Variants in LARP7 observed in about 807,000 individuals in gnomAD.
LARP7 encodes La ribonucleoprotein 7, transcriptional regulator.
LARP7 carries 52 observed loss-of-function variants against 69.3 expected under a neutral mutation model. The observed-to-expected ratio is 0.75, with a 90% CI of 0.60 to 0.95. LARP7 has a LOEUF of 0.95. Among genes scored for constraint, LARP7 ranks in the 40% least tolerant of loss-of-function variants. The probability of loss-of-function intolerance (pLI) is 0.00; values close to 1 mark genes in which losing one functional copy is unlikely to be tolerated. For missense variants in LARP7, 733 were observed against 673.0 expected (o/e 1.09, Z -0.99); for synonymous variants, 254 against 215.9 (o/e 1.18, Z -1.55).
intron 2 of LARP7, among the ~76,000 whole-genome samples, chr4:112,646,122 C>CCT (rs2048211329): frequency 1.3e-5 from 2 of 151,862 alleles, no homozygotes; most frequent in African/African-American, 4.8e-5. Flanking sequence ...GGATTACAGG[C>CCT]GTGCACCACT....
At chr4:112,655,019 C>A (rs1200397226) in intron 12 of LARP7, among the ~76,000 whole-genome samples, 6 of 144,044 alleles carry the variant, frequency 4.2e-5, no homozygotes, top group Admixed American at 2.7e-4. Context: ...AAAAAAAAAA[C>A]TAACTTAAAA....
intron 4 of LARP7, 26 bp downstream of exon 4, chr4:112,646,697 G>C (rs2048276184): frequency 6.4e-7 from 1 of 1,567,098 alleles, no homozygotes; most frequent in African/African-American, 1.4e-5. Flanking sequence ...CGGGTCCCCA[G>C]TCAGAAACTG....
At chr4:112,649,776 TA>T in intron 9 of LARP7, 90 bp downstream of exon 9, 2 of 844,676 alleles carry the variant, frequency 2.4e-6, no homozygotes, top group Non-Finnish European at 3.4e-6. Context: ...ATTTTAATTT[TA>T]AAAAACTTGA....
intron 8 of LARP7, chr4:112,648,383 C>G (rs751245335): frequency 7.5e-6 from 4 of 534,702 alleles, no homozygotes; most frequent in Non-Finnish European, 1.5e-5. Context: ...AACATGGAAG[C>G]ACTTACTTTT....
rs898727529 is a variant in LARP7, at chr4:112,653,294, T to C, written c.1576+58T>C. 9 of 1,392,036 alleles carry C rather than the reference T, an allele frequency of 6.5e-6. No individual in the cohort carries two copies. The African/African-American group carries it at 1.2e-4, about 18-fold the overall frequency. 86.2% of individuals were successfully genotyped at this position (1,392,036 alleles called of 1,614,324 possible). On this transcript the variant is annotated intron_variant, in intron 11 of 12. Transcript: ENST00000344442. ...GTTATCATCCTTATTGTGAGTAATA[T>C]ATTTTCTGAGTTTGGCTAATGAAAC...
intron 9 of LARP7, 119 bp downstream of exon 9, chr4:112,649,805 T>G: frequency 1.6e-6 from 1 of 621,798 alleles, no homozygotes; most frequent in South Asian, 3.3e-5. Context: ...ATTTCATTAT[T>G]AGAACAATTC....
Position 112,646,837 on chromosome 4 carries a change from T to C in LARP7, c.434T>C (p.Phe145Ser). The C allele has an allele frequency of 1.2e-6, 2 of 1,605,642 alleles. No individual in the cohort carries two copies. Among genetic ancestry groups the C allele is most frequent in the Non-Finnish European group, 1.7e-6 (2 of 1,178,010 alleles). The change falls in exon 5 of 13, where the codon TTT (phenylalanine) becomes TCT (serine). Residue 145 changes from phenylalanine to serine, a missense_variant. Phe to Ser is a radical substitution (Grantham distance 155). Coordinates refer to ENST00000344442, the MANE Select transcript of LARP7 (RefSeq NM_016648.4). ...AATCACAGCTGGATTGAAAGAGTATTTGGGAAATGTGGCAATGTTGTTTAT... is the reference window on the plus strand; with the variant it reads ...AATCACAGCTGGATTGAAAGAGTATCTGGGAAATGTGGCAATGTTGTTTAT... ...NVNHSWIERVFGKCGNVVYIS... is the reference protein window; with the variant it reads ...NVNHSWIERVSGKCGNVVYIS...
At position 112,647,309 on chromosome 4, in the gene LARP7, A is replaced by G; in HGVS notation, c.757A>G (p.Arg253Gly). 1 of 1,614,082 alleles carries G rather than the reference A, an allele frequency of 6.2e-7. No individual in the cohort carries two copies. Residue 253 changes from arginine to glycine, a missense_variant, in exon 7 of 13, where the codon AGA (arginine) becomes GGA (glycine). By Grantham distance (125) the Arg-to-Gly change is moderately radical. Transcript: ENST00000344442. ...CAACACCAGCATCAGTAAAATGAAAAGATCCAGACCCACATCTGAGGGCTC... is the reference window on the plus strand; with the variant it reads ...CAACACCAGCATCAGTAAAATGAAAGGATCCAGACCCACATCTGAGGGCTC... ...TSNTSISKMK[R>G]SRPTSEGSDI...
intron 1 of LARP7, among the ~76,000 whole-genome samples, chr4:112,639,510 G>A (rs2047873343): frequency 1.3e-5 from 2 of 151,852 alleles, no homozygotes; most frequent in Non-Finnish European, 2.9e-5. Context: ...GATTACAAGC[G>A]TGAGCCACCG....
intron 2 of LARP7, among the ~76,000 whole-genome samples, chr4:112,645,984 A>G (rs1026948197): frequency 2.0e-5 from 3 of 146,414 alleles, no homozygotes; most frequent in Admixed American, 6.7e-5. Flanking sequence ...TGCCATTTAG[A>G]CCCTCATACA....
Position 112,653,293 on chromosome 4 carries a change from A to G in LARP7, c.1576+57A>G, listed in dbSNP as rs1027663610. On this transcript the variant is annotated intron_variant, in intron 11 of 12. Coordinates refer to ENST00000344442, the MANE Select transcript of LARP7 (RefSeq NM_016648.4). ...TGTTATCATCCTTATTGTGAGTAAT[A>G]TATTTTCTGAGTTTGGCTAATGAAA... is the stretch of plus-strand genomic sequence containing the variant. The G allele has an allele frequency of 1.0e-5, 14 of 1,374,608 alleles. No individual in the cohort carries two copies. In the East Asian group the frequency reaches 2.0e-4, roughly 20 times the overall value. 85.2% of individuals were successfully genotyped at this position (1,374,608 alleles called of 1,614,324 possible).
Position 112,645,504 on chromosome 4 carries a change from ATTTT to A in LARP7, c.202+636_202+639del, listed in dbSNP as rs557545981. ...AAGGCATTTCACCTAGCTCAATGTT[ATTTT>A]TTGTTTCATTTTTTTGAGGCAAGGT... On this transcript the variant is annotated intron_variant, in intron 2 of 12. Coordinates refer to ENST00000344442, the MANE Select transcript of LARP7 (RefSeq NM_016648.4). 1,706 of 456,076 alleles carry A rather than the reference ATTTT, an allele frequency of 3.7e-3. 15 individuals are homozygous for A. Among genetic ancestry groups the A allele is most frequent in the South Asian group, 0.013 (868 of 64,558 alleles). The allele number at this position is 456,076 out of a possible 1,614,324, so 28.3% of individuals were successfully genotyped here.
intron 12 of LARP7, among the ~76,000 whole-genome samples, chr4:112,656,197 G>A (rs1164142376): frequency 6.6e-6 from 1 of 152,122 alleles, no homozygotes; most frequent in Non-Finnish European, 1.5e-5. Context: ...TTGAGGTCAG[G>A]AGTTGGAGAC....
chr4:112,646,357 A>G lies in LARP7; in HGVS notation c.209A>G (p.Asp70Gly), dbSNP rs757795390. Residue 70 changes from aspartate to glycine, a missense_variant, in exon 3 of 13, where the codon GAT becomes GGT. Coordinates refer to ENST00000344442, the MANE Select transcript of LARP7 (RefSeq NM_016648.4). ...QIEKSRDGYV[D>G]ISLLVSFNKM... ...ACTTTTTCATTTTCTTTAGATGTTG[A>G]TATATCACTACTTGTGTCTTTTAAC... 7.0e-7 allele frequency: 1 copy of G among 1,434,294 alleles called. No individual in the cohort carries two copies. The allele number at this position is 1,434,294 out of a possible 1,614,324, so 88.8% of individuals were successfully genotyped here. A position where few individuals can be genotyped will look rare whatever the true frequency, so the allele number is the denominator to read the frequency against.
chr4:112,637,446 A>G (rs13146963), intron 1 of LARP7: 92,029 of 152,202 alleles, frequency 0.6, 28,577 homozygotes, highest in East Asian at 0.95. Flanking sequence ...TCAGACAGTA[A>G]GGGCGCATAG....
At position 112,647,466 on chromosome 4, in the gene LARP7, C is replaced by A. The variant is rs1171760413; in HGVS notation, c.914C>A (p.Ser305Tyr). The change falls in exon 7 of 13, where the codon TCC (serine) becomes TAC (tyrosine). Residue 305 changes from serine (S) to tyrosine (Y), a missense_variant. Ser to Tyr is a moderately radical substitution (Grantham distance 144, BLOSUM62 -2). Coordinates refer to ENST00000344442, the MANE Select transcript of LARP7 (RefSeq NM_016648.4). Reference protein sequence around the residue: ...RKRSSSEDAESLAPRSKVKKI... With the variant: ...RKRSSSEDAEYLAPRSKVKKI... ...AGAAGCAGCTCTGAAGATGCAGAAT[C>A]CCTAGCTCCCCGATCAAAAGTAAAG... 1 of 1,613,854 alleles carries A rather than the reference C, an allele frequency of 6.2e-7. No homozygotes were observed. Among genetic ancestry groups the A allele is most frequent in the Non-Finnish European group, 8.5e-7 (1 of 1,179,852 alleles).
chr4:112,653,782 C>G (rs1325371847), intron 11 of LARP7, among the ~76,000 whole-genome samples: 1 of 152,176 alleles, frequency 6.6e-6, no homozygotes, highest in Non-Finnish European at 1.5e-5. Flanking sequence ...AGCCACTGCA[C>G]CAGGCAATTT....
chr4:112,650,498 T>A lies in LARP7; in HGVS notation c.1332T>A (p.Val444=), dbSNP rs1392436298. ...NREECRTQEK[V]NATGPQFVSG... ...AAGAGTGTCGCACCCAGGAGAAAGT[T>A]AATGCAACAGGACCACAGTTCGTGA... Residue 444 remains valine, a synonymous_variant, in exon 10 of 13, where the codon GTT becomes GTA. Transcript: ENST00000344442. The A allele has an allele frequency of 2.5e-6, 4 of 1,613,876 alleles. No individual in the cohort carries two copies.
At chr4:112,654,288 T>TA (rs1253560497) in intron 12 of LARP7, 129 bp downstream of exon 12, 2 of 573,560 alleles carry the variant, frequency 3.5e-6, no homozygotes, top group Admixed American at 6.2e-5. Context: ...GAGTATATAC[T>TA]ATGTTTTAGG....
Sources: allele counts gnomAD v4.1 joint callset (sites outside exome capture counted in the v4.1 genomes callset), GRCh38; gene constraint gnomAD v4.1.1; transcripts MANE v1.5; gene names NCBI Gene and HGNC (gene_info 2026-07-23, HGNC 2026-07-21).